CRACR2B: variants seen among roughly 807,000 people sequenced by gnomAD.
The protein encoded by CRACR2B is EF-hand calcium-binding domain-containing protein 4A.
In CRACR2B, 50 loss-of-function variants were observed where a neutral mutation model predicts 46.0. That is an observed-to-expected ratio of 1.09 (90% CI 0.87 to 1.38). The LOEUF (loss-of-function observed/expected upper bound fraction) is 1.38, where lower values mean the gene tolerates loss of function less well. CRACR2B is among the 40% of genes most tolerant of loss of function. The probability of loss-of-function intolerance (pLI) is 0.00; values close to 1 mark genes in which losing one functional copy is unlikely to be tolerated. For synonymous variants in CRACR2B, 277 were observed against 239.6 expected (o/e 1.16, Z -1.44); for missense variants, 667 against 535.0 (o/e 1.25, Z -2.43).
Position 830,265 on chromosome 11 carries a change from C to A in CRACR2B, c.621C>A (p.His207Gln). The change falls in exon 5 of 9, where the codon CAC becomes CAA. Residue 207 changes from histidine to glutamine, a missense_variant. Transcript: ENST00000525077. ...TCCCCCGAAGGCGCGAGAGCGAGCA[C>A]GAGAGGGAGGTGCGCGCTCTGTACG... ...EQALRRRESE[H>Q]EREVRALYEE... The A allele has an allele frequency of 6.6e-7, 1 of 1,519,798 alleles. No individual in the cohort carries two copies. Among genetic ancestry groups the A allele is most frequent in the Non-Finnish European group, 8.8e-7 (1 of 1,131,268 alleles). The allele number at this position is 1,519,798 out of a possible 1,614,324, so 94.1% of individuals were successfully genotyped here. A position where few individuals can be genotyped will look rare whatever the true frequency, so the allele number is the denominator to read the frequency against.
At position 831,010 on chromosome 11, in the gene CRACR2B, G is replaced by T; in HGVS notation, c.931G>T (p.Gly311Cys). ...QIRRLESEAR[G>C]RQEQTQRDVV... ...CCGCAGGCTGGAGAGCGAAGCACGAGGCCGCCAGGAGCAAACCCAACGGTG... is the reference window on the plus strand; with the variant it reads ...CCGCAGGCTGGAGAGCGAAGCACGATGCCGCCAGGAGCAAACCCAACGGTG... Residue 311 changes from glycine to cysteine, a missense_variant, in exon 7 of 9, where the codon GGC (glycine) becomes TGC (cysteine). Physicochemically the swap from Gly to Cys is radical, Grantham distance 159. Coordinates refer to ENST00000525077, the MANE Select transcript of CRACR2B (RefSeq NM_001286606.2). The T allele has an allele frequency of 6.5e-7, 1 of 1,534,072 alleles. No individual in the cohort carries two copies. The highest frequency in any genetic ancestry group is 1.2e-5 in the South Asian group (1 of 83,986).
chr11:829,464 C>T lies in CRACR2B; in HGVS notation c.382C>T (p.Leu128=), dbSNP rs750101100. ...CGACGTGCAGGGCACGGCGGGCTCT[C>T]TGGATGAGGAGGAGGAAGAGGAGGA... ...GLDVQGTAGS[L]DEEEEEEERF... Residue 128 remains leucine (L), a synonymous_variant, in exon 3 of 9, where the codon CTG becomes TTG. Transcript: ENST00000525077. The T allele has an allele frequency of 2.0e-5, 32 of 1,609,392 alleles. No homozygotes were observed. In the Middle Eastern group the frequency reaches 8.3e-4, roughly 42 times the overall value.
rs758880815 is a variant in CRACR2B at position 831,228 on chromosome 11, G to T, written c.958G>T (p.Val320Leu). 1.9e-6 allele frequency: 3 copies of T among 1,610,562 alleles called. No homozygotes were observed. Among genetic ancestry groups the T allele is most frequent in the Admixed American group, 1.7e-5 (1 of 58,910 alleles). The change falls in exon 8 of 9, where the codon GTG becomes TTG. Residue 320 changes from valine (V) to leucine (L), a missense_variant. Coordinates refer to ENST00000525077, the MANE Select transcript of CRACR2B (RefSeq NM_001286606.2). ...GTCACCACCTCCCATCCACAGAGAC[G>T]TGGTCGCCGTCTCCAGGAACATGCA... is the stretch of plus-strand genomic sequence containing the variant. Reference protein sequence around the residue: ...RGRQEQTQRDVVAVSRNMQKE... With the variant: ...RGRQEQTQRDLVAVSRNMQKE...
chr11:828,597 C>A lies in CRACR2B; in HGVS notation c.-11C>A. On this transcript the variant is annotated 5_prime_UTR_variant, in exon 1 of 9. Transcript: ENST00000525077. ...CAGCACCTGAAGGCCAGGCTGAGGC[C>A]CCCTGCTCTCATGGCCAGCCCTGGA... 1.9e-6 allele frequency: 3 copies of A among 1,583,316 alleles called. No homozygotes were observed. The highest frequency in any genetic ancestry group is 2.6e-6 in the Non-Finnish European group (3 of 1,171,690).
At chr11:827,886 G>GT (rs1846025559), upstream of CRACR2B, among the ~76,000 whole-genome samples, 1 of 152,234 alleles carries the variant, frequency 6.6e-6, no homozygotes, top group African/African-American at 2.4e-5. Flanking sequence ...GGGAAGGGAG[G>GT]CCCCAGGGAG....
chr11:829,612 C>T (rs1264408549), intron 3 of CRACR2B, 72 bp downstream of exon 3: 30 of 1,422,484 alleles, frequency 2.1e-5, no homozygotes, highest in South Asian at 1.7e-4. Context: ...CTGCCCTTGT[C>T]ACCCGAGTGC....
At chr11:829,900 A>T in intron 3 of CRACR2B, 86 bp from the exon 4 acceptor site, 2 of 1,476,928 alleles carry the variant, frequency 1.4e-6, no homozygotes, top group Non-Finnish European at 1.8e-6. Context: ...AGGGGCGAAG[A>T]AGTCTCCTAA....
intron 2 of CRACR2B, 191 bp downstream of exon 2, chr11:829,154 C>G: frequency 7.8e-7 from 1 of 1,283,094 alleles, no homozygotes; most frequent in African/African-American, 1.5e-5. Context: ...ACCTTCCTGG[C>G]CCCCAGCTCC....
chr11:830,531 C>T (rs1488252424), intron 5 of CRACR2B, 90 bp from the exon 6 acceptor site: 1 of 1,543,914 alleles, frequency 6.5e-7, no homozygotes, highest in Admixed American at 2.0e-5. Flanking sequence ...CCGCTCCGCC[C>T]GGGCCCACTC....
chr11:829,705 C>T (rs1846230928), intron 3 of CRACR2B, 165 bp downstream of exon 3: 1 of 1,058,058 alleles, frequency 9.5e-7, no homozygotes, highest in South Asian at 1.7e-5. Context: ...GGCATGATTT[C>T]CCGCAGAATT....
In CRACR2B at chr11:829,908, T is replaced by C; in HGVS notation, c.459-78T>C. 4 of 1,506,638 alleles carry C rather than the reference T, an allele frequency of 2.7e-6. No homozygotes were observed. The South Asian group carries it at 3.7e-5, about 14-fold the overall frequency. The allele number at this position is 1,506,638 out of a possible 1,614,324, so 93.3% of individuals were successfully genotyped here. On this transcript the variant is annotated intron_variant, in intron 3 of 8. Coordinates refer to ENST00000525077, the MANE Select transcript of CRACR2B (RefSeq NM_001286606.2). ...CCTGCCCAGGGGCGAAGAAGTCTCC[T>C]AAGGGTTTGCTGCTGGCGGAGGGAA...
chr11:830,442 C>T (rs1220132621), intron 5 of CRACR2B, 105 bp downstream of exon 5: 11 of 1,536,278 alleles, frequency 7.2e-6, no homozygotes, highest in Non-Finnish European at 9.6e-6. Flanking sequence ...CCCACCTCCG[C>T]GGGTCCAGGC....
In CRACR2B at chr11:828,532, G is replaced by A. The variant is rs138307490; in HGVS notation, c.-76G>A. 499 of 1,465,570 alleles carry A rather than the reference G, an allele frequency of 3.4e-4. No individual in the cohort carries two copies. In the Middle Eastern group the frequency reaches 6.0e-3, roughly 18 times the overall value. The allele number at this position is 1,465,570 out of a possible 1,614,324, so 90.8% of individuals were successfully genotyped here. On this transcript the variant is annotated 5_prime_UTR_variant, in exon 1 of 9. Transcript: ENST00000525077. ...CTTCAGACACACTTGCACCCCATCC[G>A]CTCCCCTCCTGAATTTCTTCTGACC...
upstream of CRACR2B, chr11:827,610 G>C: frequency 8.6e-6 from 8 of 926,566 alleles, no homozygotes; most frequent in Non-Finnish European, 1.0e-5. Context: ...GCCGGAGGGC[G>C]GGCGAGACAA....
At chr11:831,132 A>G (rs2133931639) in intron 7 of CRACR2B, 92 bp from the exon 8 acceptor site, 1 of 1,589,680 alleles carries the variant, frequency 6.3e-7, no homozygotes, top group Admixed American at 1.8e-5. Flanking sequence ...CTCAAGTCCC[A>G]GGCCCGCCCC....
At position 830,851 on chromosome 11, in the gene CRACR2B, C is replaced by G. The variant is rs774580309; in HGVS notation, c.787-15C>G. ...GGGGGCGTTCCTCGCCGGTCTCCATCCTTCCACCCTCCAGTTAGAGCAGCA... is the reference window on the plus strand; with the variant it reads ...GGGGGCGTTCCTCGCCGGTCTCCATGCTTCCACCCTCCAGTTAGAGCAGCA... On this transcript the variant is annotated splice_polypyrimidine_tract_variant and intron_variant, in intron 6 of 8. Transcript: ENST00000525077. The G allele has an allele frequency of 6.6e-7, 1 of 1,512,254 alleles. No individual in the cohort carries two copies. Among genetic ancestry groups the G allele is most frequent in the South Asian group, 1.2e-5 (1 of 82,318 alleles). 93.7% of individuals were successfully genotyped at this position (1,512,254 alleles called of 1,614,324 possible). A position where few individuals can be genotyped will look rare whatever the true frequency, so the allele number is the denominator to read the frequency against.
Position 831,666 on chromosome 11 carries a change from G to T in CRACR2B, c.1157G>T (p.Arg386Leu). ...TGCTGCTGCTGCTGTTGCTGGGCTCGGCCCCCCAGACGCGGCTCTGGCCAC... is the reference window on the plus strand; with the variant it reads ...TGCTGCTGCTGCTGTTGCTGGGCTCTGCCCCCCAGACGCGGCTCTGGCCAC... The part of the protein sequence containing the change: ...PTCCCCCCWA[R>L]PPRRGSGHLP... Residue 386 changes from arginine to leucine, a missense_variant, in exon 9 of 9, where the codon CGG becomes CTG. Arg to Leu is a moderately radical substitution (Grantham distance 102, BLOSUM62 -2). Coordinates refer to ENST00000525077, the MANE Select transcript of CRACR2B (RefSeq NM_001286606.2). The T allele has an allele frequency of 6.5e-7, 1 of 1,536,566 alleles. No individual in the cohort carries two copies. Among genetic ancestry groups the T allele is most frequent in the South Asian group, 1.2e-5 (1 of 83,478 alleles).
chr11:829,152 G>A, intron 2 of CRACR2B, 189 bp downstream of exon 2: 2 of 1,284,612 alleles, frequency 1.6e-6, no homozygotes. Flanking sequence ...TGACCTTCCT[G>A]GCCCCCAGCT....
In CRACR2B at chr11:830,251, C is replaced by T. The variant is rs1452930121; in HGVS notation, c.607C>T (p.Arg203Cys). Reference protein sequence around the residue: ...RDGLEQALRRRESEHEREVRA... With the variant: ...RDGLEQALRRCESEHEREVRA... Reference sequence around the variant, plus strand: ...CCGGGGTCGCCCGGTCCCCCGAAGGCGCGAGAGCGAGCACGAGAGGGAGGT... The same window carrying T: ...CCGGGGTCGCCCGGTCCCCCGAAGGTGCGAGAGCGAGCACGAGAGGGAGGT... The change falls in exon 5 of 9, where the codon CGC (arginine) becomes TGC (cysteine). Residue 203 changes from arginine (R) to cysteine (C), a missense_variant and splice_region_variant. Transcript: ENST00000525077. The T allele has an allele frequency of 6.6e-7, 1 of 1,510,964 alleles. No homozygotes were observed. Among genetic ancestry groups the T allele is most frequent in the Non-Finnish European group, 8.9e-7 (1 of 1,127,104 alleles). The allele number at this position is 1,510,964 out of a possible 1,614,324, so 93.6% of individuals were successfully genotyped here.
Sources: gnomAD v4.1 joint callset for allele counts (sites outside exome capture counted in the v4.1 genomes callset) on GRCh38, gnomAD v4.1.1 for gene constraint, MANE v1.5 for transcripts, NCBI Gene and HGNC (gene_info 2026-07-23, HGNC 2026-07-21) for gene names.